The following GSDMC variants were observed in gnomAD, a reference collection of about 807,000 sequenced individuals.
GSDMC encodes gasdermin C.
GSDMC carries 59 observed loss-of-function variants against 58.0 expected under a neutral mutation model. The observed-to-expected ratio is 1.02, with a 90% CI of 0.82 to 1.26. The LOEUF (loss-of-function observed/expected upper bound fraction) is 1.26, where lower values mean the gene tolerates loss of function less well. GSDMC is among the 50% of genes most tolerant of loss of function. The pLI, the probability that GSDMC is intolerant of heterozygous loss-of-function variation, is 0.00. For synonymous variants in GSDMC, 241 were observed against 220.2 expected (o/e 1.09, Z -0.83); for missense variants, 659 against 598.5 (o/e 1.10, Z -1.06).
chr8:129,743,795 C>T (rs2032912160), downstream of GSDMC, among the ~76,000 whole-genome samples: 1 of 152,286 alleles, frequency 6.6e-6, no homozygotes, highest in African/African-American at 2.4e-5. Flanking sequence ...CTCCACTCTA[C>T]ATCTTATCCC....
At chr8:129,759,751 A>G (rs1263009102) in intron 6 of GSDMC, among the ~76,000 whole-genome samples, 1 of 152,200 alleles carries the variant, frequency 6.6e-6, no homozygotes, top group Admixed American at 6.5e-5. Flanking sequence ...AGACTCTCAT[A>G]TGCCGTTGAT....
chr8:129,760,528 C>T lies in GSDMC; in HGVS notation c.721+17G>A. 6.6e-7 allele frequency: 1 copy of T among 1,520,348 alleles called. No homozygotes were observed. Among genetic ancestry groups the T allele is most frequent in the Non-Finnish European group, 9.1e-7 (1 of 1,100,332 alleles). The allele number at this position is 1,520,348 out of a possible 1,614,324, so 94.2% of individuals were successfully genotyped here. ...CATAAAAATAAAAAAATAAAAAGAC[C>T]AGGCTTTGGAACTCACCATCTTGAA... is the stretch of plus-strand genomic sequence containing the variant. On this transcript the variant is annotated intron_variant, in intron 6 of 13. Transcript: ENST00000276708.
the GSDMC span, among the ~76,000 whole-genome samples, chr8:129,723,419 CTTTTT>C: frequency 0.31 from 41,622 of 133,618 alleles, 7,015 homozygotes; most frequent in East Asian, 0.57. Context: ...TTTTCTTCTC[CTTTTT>C]TTTTTTTTTT....
At chr8:129,754,299 CAG>C (rs145563123) in intron 6 of GSDMC, among the ~76,000 whole-genome samples, 2 of 151,706 alleles carry the variant, frequency 1.3e-5, no homozygotes, top group Non-Finnish European at 2.9e-5. Flanking sequence ...TGGCTCAGTA[CAG>C]AGAGAGAGAC....
At chr8:129,706,299 C>T in the GSDMC span, among the ~76,000 whole-genome samples, 1 of 152,130 alleles carries the variant, frequency 6.6e-6, no homozygotes, top group African/African-American at 2.4e-5. Flanking sequence ...AATTATCATC[C>T]ACTATTGCAG....
chr8:129,748,509 C>T lies in GSDMC; in HGVS notation c.1519G>A (p.Glu507Lys), dbSNP rs374274478. 2.5e-6 allele frequency: 4 copies of T among 1,605,244 alleles called. No homozygotes were observed. Among genetic ancestry groups the T allele is most frequent in the Non-Finnish European group, 3.4e-6 (4 of 1,175,834 alleles). Residue 507 changes from glutamate (E) to lysine (K), a missense_variant, in exon 14 of 14, where the codon GAG becomes AAG. Physicochemically the swap from Glu to Lys is moderately conservative, Grantham distance 56. Coordinates refer to ENST00000276708, the MANE Select transcript of GSDMC (RefSeq NM_031415.3). ...TGCCCATCAGGGAGGGCTTAGGCCT[C>T]AGCCAGCTGCTGCAGCAACGAGAGA... ...GTLSLLQQLA[E>K]A
the GSDMC span, among the ~76,000 whole-genome samples, chr8:129,726,413 T>C: frequency 1.3e-5 from 2 of 152,058 alleles, no homozygotes; most frequent in African/African-American, 4.8e-5. Flanking sequence ...AGAGAGGAGA[T>C]GGCCTTGAAT....
chr8:129,734,920 C>T, the GSDMC span, among the ~76,000 whole-genome samples: 1 of 152,150 alleles, frequency 6.6e-6, no homozygotes, highest in Non-Finnish European at 1.5e-5. Flanking sequence ...GGACACCCAT[C>T]TCACATGCAG....
At chr8:129,729,227 T>C in the GSDMC span, 3 of 643,412 alleles carry the variant, frequency 4.7e-6, no homozygotes, top group Non-Finnish European at 8.9e-6. Context: ...GACCCTGGAA[T>C]ATTTTCCAAG....
At chr8:129,779,711 G>A (rs2034352585) in intron 1 of GSDMC, among the ~76,000 whole-genome samples, 2 of 151,864 alleles carry the variant, frequency 1.3e-5, no homozygotes, top group Admixed American at 1.3e-4. Context: ...TTTAAATTCT[G>A]TAATAAAATG....
At chr8:129,752,531 G>A (rs2033251340) in intron 7 of GSDMC, among the ~76,000 whole-genome samples, 167 bp downstream of exon 7, 1 of 152,230 alleles carries the variant, frequency 6.6e-6, no homozygotes, top group African/African-American at 2.4e-5. Context: ...GGGATCAGCA[G>A]TGCCTAAGTT....
At chr8:129,709,287 CAGTA>C in the GSDMC span, among the ~76,000 whole-genome samples, 2 of 152,044 alleles carry the variant, frequency 1.3e-5, no homozygotes, top group Non-Finnish European at 2.9e-5. Context: ...TTTCTAAACT[CAGTA>C]AGTCTCAGTA....
intron 7 of GSDMC, 65 bp from the exon 8 acceptor site, chr8:129,752,212 C>T: frequency 1.6e-6 from 2 of 1,226,816 alleles, no homozygotes; most frequent in Non-Finnish European, 1.2e-6. Context: ...TCCTCCTCTA[C>T]TTCTTTCCCT....
the GSDMC span, chr8:129,728,764 C>G: frequency 2.0e-6 from 1 of 501,918 alleles, no homozygotes; most frequent in African/African-American, 1.9e-5. Context: ...TAAAACTTGC[C>G]GAGGGCTCTG....
chr8:129,728,729 G>A, the GSDMC span: 2 of 438,658 alleles, frequency 4.6e-6, no homozygotes, highest in Non-Finnish European at 8.6e-6. Context: ...CTACTGGCTT[G>A]TAGATCAAAC....
At chr8:129,769,221 A>T (rs2033971102) in intron 3 of GSDMC, among the ~76,000 whole-genome samples, 1 of 152,234 alleles carries the variant, frequency 6.6e-6, no homozygotes, top group South Asian at 2.1e-4. Flanking sequence ...ACACCAAGAC[A>T]CGTTATAATT....
the GSDMC span, chr8:129,728,714 AC>A: frequency 4.8e-6 from 2 of 417,202 alleles, no homozygotes; most frequent in Non-Finnish European, 9.1e-6. Flanking sequence ...ACCTATAAGC[AC>A]CATCTACTGG....
chr8:129,782,380 G>A, intron 1 of GSDMC, among the ~76,000 whole-genome samples: 1 of 152,006 alleles, frequency 6.6e-6, no homozygotes, highest in Non-Finnish European at 1.5e-5. Flanking sequence ...AGAAATAAAT[G>A]AAGTTAAAAT....
At chr8:129,775,792 C>T (rs906096653) in intron 3 of GSDMC, among the ~76,000 whole-genome samples, 5 of 152,068 alleles carry the variant, frequency 3.3e-5, no homozygotes, top group African/African-American at 1.2e-4. Context: ...ACTCCCTGCC[C>T]ATCCCTTGTC....
Sources: gnomAD v4.1 joint callset for allele counts (sites outside exome capture counted in the v4.1 genomes callset) on GRCh38, gnomAD v4.1.1 for gene constraint, MANE v1.5 for transcripts, NCBI Gene and HGNC (gene_info 2026-07-23, HGNC 2026-07-21) for gene names.